The following YAP1 variants were observed in gnomAD, a reference collection of about 807,000 sequenced individuals.
YAP1 encodes the protein Yes1 associated transcriptional regulator, also known as transcriptional coactivator YAP1.
A neutral mutation model predicts 56.9 loss-of-function variants in YAP1; 5 were observed. The observed-to-expected ratio is 0.09, with a 90% CI of 0.05 to 0.18. The LOEUF (loss-of-function observed/expected upper bound fraction) is 0.18. YAP1 is among the 10% of genes least tolerant of loss of function. YAP1 has a pLI of 1.00. For missense variants in YAP1, 539 were observed against 651.8 expected, an observed-to-expected ratio of 0.83 and a Z score of 1.88; for synonymous variants, 265 against 248.1, an observed-to-expected ratio of 1.07 and a Z score of -0.64.
intron 2 of YAP1, among the ~76,000 whole-genome samples, chr11:102,140,544 T>C (rs916298777): frequency 3.5e-4 from 53 of 152,140 alleles, no homozygotes; most frequent in African/African-American, 1.3e-3. Context: ...TTACTAGGCC[T>C]TTTAAAAATG....
intron 2 of YAP1, among the ~76,000 whole-genome samples, chr11:102,133,646 T>C (rs189469424): frequency 5.9e-5 from 9 of 152,186 alleles, no homozygotes; most frequent in African/African-American, 1.9e-4. Flanking sequence ...GGAAGGAAGT[T>C]ATGAGTTTCA....
intron 2 of YAP1, among the ~76,000 whole-genome samples, chr11:102,137,939 G>A (rs897904362): frequency 1.3e-5 from 2 of 151,792 alleles, no homozygotes; most frequent in African/African-American, 2.4e-5. Context: ...CCAGGCTGGC[G>A]TGTTGTGGTG....
chr11:102,144,314 T>C (rs1414882146), intron 2 of YAP1, among the ~76,000 whole-genome samples: 1 of 152,218 alleles, frequency 6.6e-6, no homozygotes, highest in African/African-American at 2.4e-5. Flanking sequence ...GGCCAAATTA[T>C]TCCCATAGGA....
At chr11:102,164,922 A>T (rs937715629) in intron 3 of YAP1, among the ~76,000 whole-genome samples, 1 of 152,150 alleles carries the variant, frequency 6.6e-6, no homozygotes, top group African/African-American at 2.4e-5. Flanking sequence ...GGTTTTCTCC[A>T]TGTTGGTCAG....
intron 3 of YAP1, among the ~76,000 whole-genome samples, chr11:102,175,769 A>G (rs565310679): frequency 1.3e-5 from 2 of 152,346 alleles, no homozygotes; most frequent in African/African-American, 4.8e-5. Context: ...TAAACATAGA[A>G]GAGGTAATGC....
intron 2 of YAP1, among the ~76,000 whole-genome samples, chr11:102,144,925 GTC>G (rs960683983): frequency 5.3e-5 from 8 of 151,186 alleles, no homozygotes; most frequent in East Asian, 1.9e-4. Context: ...CACTTATTCT[GTC>G]TCTCTCTCTC....
At chr11:102,180,408 C>T (rs1304457994) in intron 3 of YAP1, among the ~76,000 whole-genome samples, 4 of 151,974 alleles carry the variant, frequency 2.6e-5, no homozygotes, top group Admixed American at 6.5e-5. Flanking sequence ...ATGAGCCAGG[C>T]GTGGTGGCTC....
chr11:102,121,368 A>G (rs1943639005), intron 2 of YAP1, among the ~76,000 whole-genome samples: 1 of 151,910 alleles, frequency 6.6e-6, no homozygotes, highest in Non-Finnish European at 1.5e-5. Flanking sequence ...TGAGCCTGGG[A>G]AGTCGAGGCT....
chr11:102,198,133 A>G (rs1948666247), intron 4 of YAP1, among the ~76,000 whole-genome samples: 1 of 152,214 alleles, frequency 6.6e-6, no homozygotes, highest in Non-Finnish European at 1.5e-5. Flanking sequence ...TAGTCATCAG[A>G]GTATTTCTCT....
At chr11:102,163,425 C>CT (rs1946414561) in intron 3 of YAP1, among the ~76,000 whole-genome samples, 1 of 152,068 alleles carries the variant, frequency 6.6e-6, no homozygotes, top group Non-Finnish European at 1.5e-5. Context: ...CATTATGTAC[C>CT]TTTGTACATA....
chr11:102,198,433 T>G (rs1948681640), intron 4 of YAP1, among the ~76,000 whole-genome samples: 1 of 152,244 alleles, frequency 6.6e-6, no homozygotes, highest in African/African-American at 2.4e-5. Context: ...GAATGTATGT[T>G]ATTTCATAAA....
intron 4 of YAP1, among the ~76,000 whole-genome samples, 189 bp from the exon 5 acceptor site, chr11:102,205,704 A>G (rs1480867682): frequency 4.0e-5 from 6 of 151,730 alleles, no homozygotes; most frequent in Admixed American, 3.9e-4. Context: ...ACTTCCTTGT[A>G]TCTTGTGACA....
At chr11:102,122,331 A>G (rs1943708800) in intron 2 of YAP1, among the ~76,000 whole-genome samples, 1 of 152,010 alleles carries the variant, frequency 6.6e-6, no homozygotes, top group African/African-American at 2.4e-5. Context: ...AGGCTGAGGC[A>G]TGAGAATCGT....
chr11:102,136,477 A>G (rs1227566365), intron 2 of YAP1, among the ~76,000 whole-genome samples: 1 of 151,750 alleles, frequency 6.6e-6, no homozygotes, highest in Non-Finnish European at 1.5e-5. Flanking sequence ...AGTAGCTGGG[A>G]CTACAGGTGG....
intron 4 of YAP1, among the ~76,000 whole-genome samples, chr11:102,196,878 C>T (rs1162209916): frequency 1.3e-5 from 2 of 152,154 alleles, no homozygotes; most frequent in Non-Finnish European, 2.9e-5. Flanking sequence ...TTTTCCTTTT[C>T]TTTTGTAAAA....
Position 102,221,949 on chromosome 11 carries a change from A to AT in YAP1, c.1033-1660dup, listed in dbSNP as rs577822790. Among the ~76,000 whole-genome samples, 896 of 146,924 alleles carry AT rather than the reference A, an allele frequency of 6.1e-3. 5 individuals carry two copies. Among genetic ancestry groups the AT allele is most frequent in the South Asian group, 0.037 (169 of 4,600 alleles). On this transcript the variant is annotated intron_variant, in intron 6 of 8. Coordinates refer to ENST00000282441, the MANE Select transcript of YAP1 (RefSeq NM_001130145.3). Reference sequence around the variant, plus strand: ...CAAATTTAGCGAAAGTTAATGTGTAATTTTTTTTTTTTTACCCCATTGAAG... The same window carrying AT: ...CAAATTTAGCGAAAGTTAATGTGTAATTTTTTTTTTTTTTACCCCATTGAAG...
intron 2 of YAP1, among the ~76,000 whole-genome samples, chr11:102,117,152 T>C (rs1368360556): frequency 1.3e-5 from 2 of 152,178 alleles, no homozygotes; most frequent in Non-Finnish European, 2.9e-5. Context: ...GATGATAAAC[T>C]AAGCTTTTGG....
chr11:102,117,227 T>C (rs1943342603), intron 2 of YAP1, among the ~76,000 whole-genome samples: 1 of 152,224 alleles, frequency 6.6e-6, no homozygotes, highest in Admixed American at 6.5e-5. Flanking sequence ...TAGGGCTGTC[T>C]TTGTAATCAA....
At chr11:102,124,434 A>G (rs1157423461) in intron 2 of YAP1, among the ~76,000 whole-genome samples, 4 of 152,232 alleles carry the variant, frequency 2.6e-5, no homozygotes, top group South Asian at 2.1e-4. Flanking sequence ...TCGGTCTTCA[A>G]TATGGATGAT....
Sources: gnomAD v4.1 joint callset for allele counts (sites outside exome capture counted in the v4.1 genomes callset) on GRCh38, gnomAD v4.1.1 for gene constraint, MANE v1.5 for transcripts, NCBI Gene and HGNC (gene_info 2026-07-23, HGNC 2026-07-21) for gene names.